TSNAX: variants seen among roughly 807,000 people sequenced by gnomAD.
TSNAX encodes translin associated factor X, also known as translin-associated protein X.
A neutral mutation model predicts 33.0 loss-of-function variants in TSNAX; 12 were observed. That is an observed-to-expected ratio of 0.36 (90% CI 0.23 to 0.59). The LOEUF (loss-of-function observed/expected upper bound fraction) is 0.59. Among genes scored for constraint, TSNAX ranks in the 20% least tolerant of loss-of-function variants. The pLI, the probability that TSNAX is intolerant of heterozygous loss-of-function variation, is 0.74. For missense variants in TSNAX, 267 were observed against 341.3 expected (o/e 0.78, Z 1.72); for synonymous variants, 110 against 117.2 (o/e 0.94, Z 0.40).
At chr1:231,539,750 G>GT (rs1221765118) in intron 3 of TSNAX, among the ~76,000 whole-genome samples, 3 of 152,142 alleles carry the variant, frequency 2.0e-5, no homozygotes, top group South Asian at 2.1e-4. Flanking sequence ...TTTGTGCACT[G>GT]TTTTTTATCA....
chr1:231,546,172 T>C (rs1259621303), intron 4 of TSNAX, among the ~76,000 whole-genome samples: 1 of 152,216 alleles, frequency 6.6e-6, no homozygotes, highest in African/African-American at 2.4e-5. Context: ...AAAGATTTCA[T>C]TCCTGTTTTT....
At chr1:231,533,749 A>G (rs993023720) in intron 2 of TSNAX, among the ~76,000 whole-genome samples, 1 of 152,184 alleles carries the variant, frequency 6.6e-6, no homozygotes, top group Non-Finnish European at 1.5e-5. Context: ...TATTCTCTCT[A>G]TATATGTAAA....
chr1:231,556,094 A>G (rs551571731), intron 4 of TSNAX, among the ~76,000 whole-genome samples: 222 of 152,336 alleles, frequency 1.5e-3, no homozygotes, highest in African/African-American at 5.1e-3. Flanking sequence ...AGACAATGAT[A>G]TGGTAAAATA....
At position 231,547,804 on chromosome 1, in the gene TSNAX, G is replaced by A. The variant is rs866985336; in HGVS notation, c.367+5193G>A. ...CCCTTTCAATTGTAAGCTAATAAAA[G>A]GGAAAAGAAATCCAAGGAACAAAAA... On this transcript the variant is annotated intron_variant, in intron 4 of 5. Transcript: ENST00000366639. Among the ~76,000 whole-genome samples, 3 of 151,326 alleles carry A rather than the reference G, an allele frequency of 2.0e-5. 1 individual carries two copies. In the South Asian group the frequency reaches 6.3e-4, roughly 32 times the overall value.
intron 4 of TSNAX, among the ~76,000 whole-genome samples, chr1:231,553,253 G>C (rs1249526481): frequency 6.6e-6 from 1 of 152,186 alleles, no homozygotes; most frequent in Non-Finnish European, 1.5e-5. Context: ...GTTTTTGATG[G>C]AGATTTGGAC....
intron 4 of TSNAX, among the ~76,000 whole-genome samples, chr1:231,552,180 G>C (rs1660356445): frequency 6.6e-6 from 1 of 152,068 alleles, no homozygotes; most frequent in Non-Finnish European, 1.5e-5. Flanking sequence ...AGCTACTCGG[G>C]AGGCTGAGGC....
intron 5 of TSNAX, among the ~76,000 whole-genome samples, chr1:231,561,590 A>G (rs1661117854): frequency 6.6e-6 from 1 of 152,204 alleles, no homozygotes; most frequent in African/African-American, 2.4e-5. Context: ...TGTGGTAAGC[A>G]TTATTACTCT....
chr1:231,556,656 C>T (rs1002477802), intron 4 of TSNAX, among the ~76,000 whole-genome samples: 3 of 152,192 alleles, frequency 2.0e-5, no homozygotes, highest in African/African-American at 7.2e-5. Flanking sequence ...TGTGTATTGC[C>T]TTCAACTGAC....
chr1:231,540,954 T>C (rs1659535464), intron 3 of TSNAX, among the ~76,000 whole-genome samples: 2 of 152,238 alleles, frequency 1.3e-5, no homozygotes, highest in Admixed American at 1.3e-4. Context: ...TATTAGAACG[T>C]ATATCTTTTC....
At chr1:231,553,876 A>T (rs1660512664) in intron 4 of TSNAX, among the ~76,000 whole-genome samples, 1 of 151,806 alleles carries the variant, frequency 6.6e-6, no homozygotes, top group South Asian at 2.1e-4. Context: ...AGTAGAGACG[A>T]GGTTTCTCCA....
intron 2 of TSNAX, 178 bp from the exon 3 acceptor site, chr1:231,537,035 C>T: frequency 2.3e-6 from 1 of 429,072 alleles, no homozygotes; most frequent in East Asian, 4.1e-5. Flanking sequence ...GTTTCACCGT[C>T]TAGGCCAGGA....
chr1:231,531,649 A>G (rs115173401), intron 2 of TSNAX, among the ~76,000 whole-genome samples: 2,344 of 152,264 alleles, frequency 0.015, 66 homozygotes, highest in African/African-American at 0.053. Context: ...AAAAGACTAG[A>G]TATATTTAGA....
rs1659403529 is a variant in TSNAX at position 231,539,318 on chromosome 1, C to G, written c.236+1991C>G. ...ACATACAGATTGAGTATCCTAAATG[C>G]TTGGGACTGGAAGTGTTTTGGATTT... is the stretch of plus-strand genomic sequence containing the variant. On this transcript the variant is annotated intron_variant, in intron 3 of 5. Coordinates refer to ENST00000366639, the MANE Select transcript of TSNAX (RefSeq NM_005999.3). 2.0e-5 allele frequency among the ~76,000 whole-genome samples: 3 copies of G among 152,054 alleles called. No homozygotes were observed. In the South Asian group the frequency reaches 6.2e-4, roughly 31 times the overall value.
At chr1:231,539,196 T>C (rs892805973) in intron 3 of TSNAX, among the ~76,000 whole-genome samples, 1 of 151,840 alleles carries the variant, frequency 6.6e-6, no homozygotes, top group Non-Finnish European at 1.5e-5. Flanking sequence ...TCTTATTAAT[T>C]ATGGACACTT....
chr1:231,562,631 G>T (rs2124949134), intron 5 of TSNAX, among the ~76,000 whole-genome samples: 1 of 152,086 alleles, frequency 6.6e-6, no homozygotes, highest in East Asian at 1.9e-4. Flanking sequence ...AAAATTGAGA[G>T]TCAAAGTACT....
chr1:231,552,574 T>G (rs1292941660), intron 4 of TSNAX, among the ~76,000 whole-genome samples: 1 of 152,220 alleles, frequency 6.6e-6, no homozygotes. Context: ...TAGTTACAAG[T>G]GCAGTTTTTA....
rs1658486192 is a variant in TSNAX at position 231,529,243 on chromosome 1, TCTC to T, written c.17-11_17-9del. On this transcript the variant is annotated splice_polypyrimidine_tract_variant and intron_variant, in intron 1 of 5. Transcript: ENST00000366639. ...ATGGAAGATCCCTCTCTTTTTTTCT[TCTC>T]TATATAAGGATCAGGAGGGTTCAGG... 1 of 1,609,324 alleles carries T rather than the reference TCTC, an allele frequency of 6.2e-7. No individual in the cohort carries two copies. Among genetic ancestry groups the T allele is most frequent in the African/African-American group, 1.3e-5 (1 of 74,554 alleles).
chr1:231,560,416 C>CG (rs1488873674), intron 4 of TSNAX, among the ~76,000 whole-genome samples: 1 of 107,304 alleles, frequency 9.3e-6, no homozygotes, highest in Non-Finnish European at 1.9e-5. Context: ...TCCCCCCCCC[C>CG]CCTTTTTTTT....
rs746984160 is a variant in TSNAX at position 231,529,333 on chromosome 1, C to T, written c.95C>T (p.Ser32Phe). 1 of 1,614,180 alleles carries T rather than the reference C, an allele frequency of 6.2e-7. No homozygotes were observed. Among genetic ancestry groups the T allele is most frequent in the Non-Finnish European group, 8.5e-7 (1 of 1,180,024 alleles). The change falls in exon 2 of 6, where the codon TCT (serine) becomes TTT (phenylalanine). Residue 32 changes from serine (S) to phenylalanine (F), a missense_variant. Physicochemically the swap from Ser to Phe is radical, Grantham distance 155. Coordinates refer to ENST00000366639, the MANE Select transcript of TSNAX (RefSeq NM_005999.3). ...QRREGKDVNS[S>F]SPVMLAFKSF... ...AGAGAAGGGAAGGATGTTAATTCAT[C>T]TTCACCCGTGATGTTGGCCTTTAAA...
Sources: allele counts gnomAD v4.1 joint callset (sites outside exome capture counted in the v4.1 genomes callset), GRCh38; gene constraint gnomAD v4.1.1; transcripts MANE v1.5; gene names NCBI Gene and HGNC (gene_info 2026-07-23, HGNC 2026-07-21).